Variants in GRIK2 observed in about 807,000 individuals in gnomAD.
The protein encoded by GRIK2 is glutamate receptor ionotropic, kainate 2.
A neutral mutation model predicts 100.3 loss-of-function variants in GRIK2; 32 were observed. That is an observed-to-expected ratio of 0.32 (90% CI 0.24 to 0.43). GRIK2 has a LOEUF of 0.43. Among genes scored for constraint, GRIK2 ranks in the 20% least tolerant of loss-of-function variants. The pLI, the probability that GRIK2 is intolerant of heterozygous loss-of-function variation, is 1.00. For synonymous variants in GRIK2, 417 were observed against 389.4 expected (o/e 1.07, Z -0.83); for missense variants, 843 against 1,114.9 (o/e 0.76, Z 3.47).
intron 2 of GRIK2, among the ~76,000 whole-genome samples, chr6:101,616,744 G>A (rs1362605244): frequency 1.3e-5 from 2 of 151,554 alleles, no homozygotes; most frequent in African/African-American, 2.4e-5. Context: ...AGTTTGTGTC[G>A]ATTTATTTTT....
intron 2 of GRIK2, among the ~76,000 whole-genome samples, chr6:101,411,962 C>T (rs11156044): frequency 0.28 from 42,181 of 151,896 alleles, 6,075 homozygotes; most frequent in African/African-American, 0.38. Context: ...AGAAAAAGAA[C>T]TCCAGCAGAC....
At chr6:101,746,935 G>A (rs1776455226) in intron 7 of GRIK2, among the ~76,000 whole-genome samples, 1 of 151,940 alleles carries the variant, frequency 6.6e-6, no homozygotes, top group Non-Finnish European at 1.5e-5. Flanking sequence ...ATTCCCTAAT[G>A]TTTTTCTATC....
intron 2 of GRIK2, among the ~76,000 whole-genome samples, chr6:101,408,879 T>G (rs2128237442): frequency 1.3e-5 from 2 of 152,210 alleles, no homozygotes; most frequent in African/African-American, 4.8e-5. Context: ...ATCACCCAGA[T>G]AATTCCAAAG....
chr6:101,905,760 C>T (rs1788177678), intron 12 of GRIK2, among the ~76,000 whole-genome samples: 1 of 151,126 alleles, frequency 6.6e-6, no homozygotes, highest in Non-Finnish European at 1.5e-5. Context: ...AATCAGTGTG[C>T]AAAATTTATT....
chr6:101,998,575 A>G (rs761191156), intron 14 of GRIK2, among the ~76,000 whole-genome samples: 9 of 151,990 alleles, frequency 5.9e-5, no homozygotes, highest in Admixed American at 1.3e-4. Context: ...ATTTCCTGCT[A>G]TATTTTCTTC....
chr6:101,846,025 T>G (rs1783791098), intron 10 of GRIK2, among the ~76,000 whole-genome samples: 1 of 151,974 alleles, frequency 6.6e-6, no homozygotes, highest in African/African-American at 2.4e-5. Flanking sequence ...TTTGTTGTTG[T>G]TGTTGTAGGA....
At chr6:101,533,266 G>A (rs1349454347) in intron 2 of GRIK2, among the ~76,000 whole-genome samples, 2 of 151,832 alleles carry the variant, frequency 1.3e-5, no homozygotes, top group Non-Finnish European at 2.9e-5. Flanking sequence ...TGATGCTTTA[G>A]TTGGATTAAG....
At chr6:101,402,528 G>GGCTT (rs1775374493) in intron 2 of GRIK2, among the ~76,000 whole-genome samples, 1 of 152,188 alleles carries the variant, frequency 6.6e-6, no homozygotes, top group African/African-American at 2.4e-5. Context: ...GCTGCCCCGA[G>GGCTT]GCTCTATGGC....
intron 16 of GRIK2, among the ~76,000 whole-genome samples, chr6:102,058,365 C>T (rs1771570781): frequency 1.3e-5 from 2 of 151,622 alleles, no homozygotes; most frequent in Non-Finnish European, 3.0e-5. Context: ...TATCTATTTA[C>T]CTACCTACCT....
At chr6:101,843,994 C>T (rs924112730) in intron 10 of GRIK2, among the ~76,000 whole-genome samples, 1 of 151,866 alleles carries the variant, frequency 6.6e-6, no homozygotes, top group Middle Eastern at 3.2e-3. Context: ...TGACATAGAA[C>T]AACACCTGGA....
At chr6:101,862,503 A>G (rs1784788046) in intron 11 of GRIK2, among the ~76,000 whole-genome samples, 1 of 152,090 alleles carries the variant, frequency 6.6e-6, no homozygotes, top group Non-Finnish European at 1.5e-5. Flanking sequence ...ATCATAGTTC[A>G]TTGCAGCCTT....
At chr6:101,511,408 T>C (rs1167545372) in intron 2 of GRIK2, among the ~76,000 whole-genome samples, 3 of 152,106 alleles carry the variant, frequency 2.0e-5, no homozygotes, top group Admixed American at 1.3e-4. Flanking sequence ...TTGCTCTGAG[T>C]GGCACAAATA....
intron 11 of GRIK2, among the ~76,000 whole-genome samples, chr6:101,881,930 G>T (rs983979491): frequency 2.6e-5 from 4 of 152,042 alleles, no homozygotes; most frequent in African/African-American, 9.7e-5. Context: ...CTGAGACTGG[G>T]TAATTCATAA....
chr6:101,687,855 A>T (rs1049951222), intron 7 of GRIK2, among the ~76,000 whole-genome samples: 56 of 151,758 alleles, frequency 3.7e-4, no homozygotes, highest in African/African-American at 1.3e-3. Flanking sequence ...ATACCTAAAT[A>T]ACTTAAAAAT....
In GRIK2 at chr6:101,936,252, T is replaced by C. The variant is rs139700341; in HGVS notation, c.2085+7620T>C. ...TTTTTCTAGAAGTCTGGAAGAAATA[T>C]CGCAGTAAAGATTTTTATAGTCATA... On this transcript the variant is annotated intron_variant, in intron 14 of 16. Transcript: ENST00000369134. 6.6e-5 allele frequency among the ~76,000 whole-genome samples: 10 copies of C among 152,182 alleles called. No homozygotes were observed. The East Asian group carries it at 9.7e-4, about 15-fold the overall frequency.
chr6:102,050,313 G>A (rs1771103350), intron 15 of GRIK2, among the ~76,000 whole-genome samples: 1 of 151,862 alleles, frequency 6.6e-6, no homozygotes, highest in East Asian at 1.9e-4. Flanking sequence ...AGGGAGAGAA[G>A]AGCACAGGAG....
intron 4 of GRIK2, among the ~76,000 whole-genome samples, chr6:101,669,317 ATTT>A: frequency 6.6e-6 from 1 of 152,170 alleles, no homozygotes; most frequent in Non-Finnish European, 1.5e-5. Flanking sequence ...TTTGTAAATT[ATTT>A]ATATTAACCA....
chr6:101,757,269 CAATT>C (rs1182324773), intron 7 of GRIK2, among the ~76,000 whole-genome samples: 4 of 151,962 alleles, frequency 2.6e-5, no homozygotes, highest in East Asian at 1.9e-4. Flanking sequence ...ACAAATAAAT[CAATT>C]AATATTTATA....
chr6:101,878,965 G>C (rs1582441639), intron 11 of GRIK2, among the ~76,000 whole-genome samples: 1 of 152,066 alleles, frequency 6.6e-6, no homozygotes, highest in Non-Finnish European at 1.5e-5. Flanking sequence ...CATTAACACT[G>C]CTTATAAAGC....
Sources: gnomAD v4.1 joint callset for allele counts (sites outside exome capture counted in the v4.1 genomes callset) on GRCh38, gnomAD v4.1.1 for gene constraint, MANE v1.5 for transcripts, NCBI Gene and HGNC (gene_info 2026-07-23, HGNC 2026-07-21) for gene names.